ZBTB46: variants seen among roughly 807,000 people sequenced by gnomAD.
The protein encoded by ZBTB46 is zinc finger and BTB domain-containing protein 46.
ZBTB46 carries 8 observed loss-of-function variants against 44.1 expected under a neutral mutation model. The observed-to-expected ratio is 0.18, with a 90% CI of 0.11 to 0.33. ZBTB46 has a LOEUF of 0.33. Ranked by LOEUF, ZBTB46 falls within the 10% of genes least tolerant of loss-of-function variation. ZBTB46 has a pLI of 1.00. For missense variants in ZBTB46, 651 were observed against 847.7 expected, an observed-to-expected ratio of 0.77 and a Z score of 2.88; for synonymous variants, 409 against 382.3, an observed-to-expected ratio of 1.07 and a Z score of -0.81.
rs187159660 is a variant in ZBTB46 at position 63,802,691 on chromosome 20, G to A, written c.-33-11901C>T. Among the ~76,000 whole-genome samples the A allele has an allele frequency of 1.4e-3, 207 of 147,658 alleles. 6 individuals are homozygous for A. The East Asian group carries it at 0.038, about 27-fold the overall frequency. ...CCAGCACCCTCCCAGGAACCGCCGC[G>A]GCCGACGACCGAACCTCAGGCCCCC... On this transcript the variant is annotated intron_variant, in intron 1 of 4. Coordinates refer to ENST00000245663, the MANE Select transcript of ZBTB46 (RefSeq NM_001369741.1).
chr20:63,819,359 C>T (rs1194831423), intron 1 of ZBTB46, among the ~76,000 whole-genome samples: 6 of 152,152 alleles, frequency 3.9e-5, no homozygotes, highest in Non-Finnish European at 7.3e-5. Flanking sequence ...GAGCGCATCC[C>T]GAAGAAGACG....
chr20:63,745,791 C>G lies in ZBTB46; in HGVS notation c.*1139G>C, dbSNP rs1470301861. The G allele has an allele frequency of 6.6e-6, 1 of 152,356 alleles. No homozygotes were observed. The allele number at this position is 152,356 out of a possible 1,614,324, so 9.4% of individuals were successfully genotyped here. A position where few individuals can be genotyped will look rare whatever the true frequency, so the allele number is the denominator to read the frequency against. Reference sequence around the variant, plus strand: ...CCCAAAGCCAGGCGGTGCACCACAGCACACACCGTGGGACCTTTGCTTTTC... The same window carrying G: ...CCCAAAGCCAGGCGGTGCACCACAGGACACACCGTGGGACCTTTGCTTTTC... On this transcript the variant is annotated 3_prime_UTR_variant, in exon 5 of 5. Coordinates refer to ENST00000245663, the MANE Select transcript of ZBTB46 (RefSeq NM_001369741.1).
At chr20:63,825,560 T>C (rs73325349) in intron 1 of ZBTB46, among the ~76,000 whole-genome samples, 14,608 of 152,040 alleles carry the variant, frequency 0.096, 1,119 homozygotes, top group African/African-American at 0.21. Context: ...GCACTTGCTG[T>C]TCCTCCAACC....
intron 4 of ZBTB46, among the ~76,000 whole-genome samples, chr20:63,750,353 G>A (rs1300535979): frequency 2.6e-5 from 4 of 151,850 alleles, no homozygotes; most frequent in Non-Finnish European, 2.9e-5. Flanking sequence ...TCAGGTGATC[G>A]TCCTGCCTCA....
Position 63,746,702 on chromosome 20 carries a change from C to T in ZBTB46, c.*228G>A, listed in dbSNP as rs773919670. On this transcript the variant is annotated 3_prime_UTR_variant, in exon 5 of 5. Coordinates refer to ENST00000245663, the MANE Select transcript of ZBTB46 (RefSeq NM_001369741.1). ...TGCTCTCCCTTCACTCAAACCCACC[C>T]TGTGCCCTCCCCCAACTCACTTCAT... is the stretch of plus-strand genomic sequence containing the variant. The T allele has an allele frequency of 5.1e-5, 32 of 627,832 alleles. No homozygotes were observed. Among genetic ancestry groups the T allele is most frequent in the Middle Eastern group, 4.4e-4 (1 of 2,264 alleles). The allele number at this position is 627,832 out of a possible 1,614,324, so 38.9% of individuals were successfully genotyped here.
chr20:63,827,086 GT>G (rs761758448), intron 1 of ZBTB46, among the ~76,000 whole-genome samples: 6 of 152,140 alleles, frequency 3.9e-5, no homozygotes, highest in Admixed American at 6.6e-5. Context: ...CCACACAGCA[GT>G]CCAGGCACCC....
rs1346711970 is a variant in ZBTB46, at chr20:63,746,630, CAG to C, written c.*298_*299del. ...CGTGTCCAAGCCAGGCTGGCCATCACAGGGGCCACTCACACACCCGCACCACC... is the reference window on the plus strand; with the variant it reads ...CGTGTCCAAGCCAGGCTGGCCATCACGGGCCACTCACACACCCGCACCACC... On this transcript the variant is annotated 3_prime_UTR_variant, in exon 5 of 5. Coordinates refer to ENST00000245663, the MANE Select transcript of ZBTB46 (RefSeq NM_001369741.1). 3 of 374,596 alleles carry C rather than the reference CAG, an allele frequency of 8.0e-6. No homozygotes were observed. Among genetic ancestry groups the C allele is most frequent in the Non-Finnish European group, 1.4e-5 (3 of 210,050 alleles). 23.2% of individuals were successfully genotyped at this position (374,596 alleles called of 1,614,324 possible).
chr20:63,804,949 T>C (rs1601510117), intron 1 of ZBTB46, among the ~76,000 whole-genome samples: 1 of 139,154 alleles, frequency 7.2e-6, no homozygotes, highest in African/African-American at 2.7e-5. Flanking sequence ...TCAGAAGGAG[T>C]CTCGCTCTGT....
intron 3 of ZBTB46, among the ~76,000 whole-genome samples, chr20:63,754,076 C>T (rs1290420499): frequency 2.0e-5 from 3 of 152,204 alleles, no homozygotes; most frequent in African/African-American, 7.2e-5. Context: ...CAGGAGCGCT[C>T]ATTTTGTGAG....
chr20:63,815,946 A>AGTGGTCACAG (rs2092752005), intron 1 of ZBTB46, among the ~76,000 whole-genome samples: 1 of 123,552 alleles, frequency 8.1e-6, no homozygotes, highest in African/African-American at 3.3e-5. Flanking sequence ...GTGCAGGTAC[A>AGTGGTCACAG]GTGGGCACAG....
intron 1 of ZBTB46, among the ~76,000 whole-genome samples, chr20:63,793,663 A>ACC (rs1428845660): frequency 0.087 from 13,188 of 151,998 alleles, 987 homozygotes; most frequent in African/African-American, 0.19. Context: ...CAGAGATTTT[A>ACC]TAGAAGCAGC....
At chr20:63,771,689 C>A (rs530729609) in intron 3 of ZBTB46, among the ~76,000 whole-genome samples, 1 of 152,190 alleles carries the variant, frequency 6.6e-6, no homozygotes. Context: ...CTGGTGTCCA[C>A]GGTTTACTCC....
intron 3 of ZBTB46, among the ~76,000 whole-genome samples, chr20:63,770,771 C>A: frequency 6.6e-6 from 1 of 152,212 alleles, no homozygotes; most frequent in East Asian, 1.9e-4. Context: ...CCCGGCACCC[C>A]GTACCGCAAA....
At chr20:63,810,927 G>C (rs1188425043) in intron 1 of ZBTB46, among the ~76,000 whole-genome samples, 1 of 152,212 alleles carries the variant, frequency 6.6e-6, no homozygotes, top group African/African-American at 2.4e-5. Flanking sequence ...CAGAGCCGGA[G>C]AGCACCAGCT....
At chr20:63,830,279 CT>C (rs2092841455) in intron 1 of ZBTB46, among the ~76,000 whole-genome samples, 1 of 152,166 alleles carries the variant, frequency 6.6e-6, no homozygotes, top group African/African-American at 2.4e-5. Context: ...CCCCGTTTGC[CT>C]TAGGGATTGA....
At chr20:63,771,647 C>T (rs972834510) in intron 3 of ZBTB46, among the ~76,000 whole-genome samples, 1 of 152,136 alleles carries the variant, frequency 6.6e-6, no homozygotes, top group African/African-American at 2.4e-5. Flanking sequence ...CACACCGAGG[C>T]GCCTCGGCTA....
At chr20:63,813,797 T>C (rs1369456249) in intron 1 of ZBTB46, among the ~76,000 whole-genome samples, 3 of 152,196 alleles carry the variant, frequency 2.0e-5, no homozygotes, top group African/African-American at 7.2e-5. Flanking sequence ...AGTGAAAATG[T>C]GCAGGCCACA....
At chr20:63,824,450 A>G (rs575504391) in intron 1 of ZBTB46, among the ~76,000 whole-genome samples, 1 of 152,208 alleles carries the variant, frequency 6.6e-6, no homozygotes, top group East Asian at 1.9e-4. Context: ...AAGACTACAG[A>G]CCATGTTGTC....
chr20:63,833,527 C>T (rs1003139568), upstream of ZBTB46, among the ~76,000 whole-genome samples: 3 of 152,110 alleles, frequency 2.0e-5, no homozygotes, highest in African/African-American at 7.2e-5. Flanking sequence ...GGAGGTGGAG[C>T]TTGCAGTGAG....
Sources: gnomAD v4.1 joint callset for allele counts (sites outside exome capture counted in the v4.1 genomes callset) on GRCh38, gnomAD v4.1.1 for gene constraint, MANE v1.5 for transcripts, NCBI Gene and HGNC (gene_info 2026-07-23, HGNC 2026-07-21) for gene names.